The following MSTO1 variants were observed in gnomAD, a reference collection of about 807,000 sequenced individuals.
MSTO1 encodes the protein protein misato homolog 1.
In MSTO1, 24 loss-of-function variants were observed where a neutral mutation model predicts 55.7. That is an observed-to-expected ratio of 0.43 (90% CI 0.31 to 0.61). MSTO1 has a LOEUF of 0.61. Ranked by LOEUF, MSTO1 falls within the 20% of genes least tolerant of loss-of-function variation. MSTO1 has a pLI of 0.09. For synonymous variants in MSTO1, 162 were observed against 252.8 expected, an observed-to-expected ratio of 0.64 and a Z score of 3.41; for missense variants, 363 against 625.7, an observed-to-expected ratio of 0.58 and a Z score of 4.48.
the MSTO1 span, among the ~76,000 whole-genome samples, chr1:155,603,690 T>C: frequency 8.6e-5 from 13 of 152,026 alleles, no homozygotes; most frequent in South Asian, 2.5e-3. Context: ...AAACCACATC[T>C]CTACTAAAAA....
the MSTO1 span, among the ~76,000 whole-genome samples, chr1:155,603,744 G>T: frequency 6.6e-6 from 1 of 152,086 alleles, no homozygotes; most frequent in African/African-American, 2.4e-5. Context: ...TGTAATCCCA[G>T]CTACTAGGGA....
chr1:155,608,245 C>A (rs571407693), upstream of MSTO1, among the ~76,000 whole-genome samples: 6 of 152,296 alleles, frequency 3.9e-5, no homozygotes, highest in South Asian at 1.2e-3. Context: ...TTCACCGCAG[C>A]CTCTAATTCC....
the MSTO1 span, among the ~76,000 whole-genome samples, chr1:155,595,399 C>T: frequency 1.3e-5 from 2 of 151,904 alleles, no homozygotes; most frequent in South Asian, 4.2e-4. Flanking sequence ...AGGATTGTCT[C>T]GATCTCCTGA....
upstream of MSTO1, among the ~76,000 whole-genome samples, chr1:155,605,298 A>T (rs1672921530): frequency 6.6e-6 from 1 of 152,020 alleles, no homozygotes; most frequent in Admixed American, 6.6e-5. Flanking sequence ...AACAAAAACA[A>T]TATTGAAAAT....
At chr1:155,589,849 C>T in the MSTO1 span, among the ~76,000 whole-genome samples, 1 of 151,844 alleles carries the variant, frequency 6.6e-6, no homozygotes, top group Non-Finnish European at 1.5e-5. Flanking sequence ...GTCTCCCAGT[C>T]CACTGACTCA....
the MSTO1 span, among the ~76,000 whole-genome samples, chr1:155,571,126 A>G: frequency 1.3e-5 from 2 of 152,300 alleles, no homozygotes; most frequent in Admixed American, 1.3e-4. Context: ...CAGGAGCTGA[A>G]GACCAGCCTG....
intron 1 of MSTO1, 40 bp from the exon 2 acceptor site, chr1:155,610,385 G>A (rs1187974699): frequency 3.7e-6 from 3 of 814,164 alleles, no homozygotes; most frequent in Non-Finnish European, 5.7e-6. Flanking sequence ...CTACAGTCCC[G>A]ACGTTCAGCC....
chr1:155,609,210 A>G (rs1673216253), upstream of MSTO1, among the ~76,000 whole-genome samples: 1 of 128,922 alleles, frequency 7.8e-6, no homozygotes, highest in Non-Finnish European at 1.6e-5. Context: ...AAAAGCTATT[A>G]TCAGCAGTAT....
At chr1:155,587,472 G>C in the MSTO1 span, among the ~76,000 whole-genome samples, 2 of 150,758 alleles carry the variant, frequency 1.3e-5, no homozygotes, top group East Asian at 3.9e-4. Context: ...GGCCGGGCGT[G>C]GTGGCTCACG....
At chr1:155,564,219 C>A in the MSTO1 span, among the ~76,000 whole-genome samples, 59 of 152,238 alleles carry the variant, frequency 3.9e-4, 1 homozygote, top group Non-Finnish European at 7.8e-4. Context: ...CAAGGCCGGG[C>A]GCGGTGGCTA....
chr1:155,600,562 T>TTTTTTTTTTTC, the MSTO1 span, among the ~76,000 whole-genome samples: 1 of 152,128 alleles, frequency 6.6e-6, no homozygotes, highest in African/African-American at 2.4e-5. Context: ...CTTTCTTTTT[T>TTTTTTTTTTTC]TTTGAGATGG....
At chr1:155,602,509 C>A in the MSTO1 span, among the ~76,000 whole-genome samples, 2 of 152,044 alleles carry the variant, frequency 1.3e-5, no homozygotes, top group Non-Finnish European at 2.9e-5. Flanking sequence ...CAACAACAAA[C>A]AACAAATGAG....
rs141537147 is a variant in MSTO1, at chr1:155,610,262, C to G, written c.14C>G (p.Ala5Gly). The G allele has an allele frequency of 7.9e-6, 6 of 764,174 alleles. No individual in the cohort carries two copies. The highest frequency in any genetic ancestry group is 1.1e-5 in the Non-Finnish European group (5 of 470,744). 47.3% of individuals were successfully genotyped at this position (764,174 alleles called of 1,614,324 possible). ...GAGCAGCGCAGTATGGCGGGCGGGG[C>G]CCGGGAGGTGCTCACACTGCAGTTG... MAGG[A>G]REVLTLQLGH... Residue 5 changes from alanine (A) to glycine (G), a missense_variant, in exon 1 of 14, where the codon GCC becomes GGC. Transcript: ENST00000245564.
the MSTO1 span, chr1:155,590,786 G>C: frequency 6.2e-7 from 1 of 1,606,356 alleles, no homozygotes; most frequent in Non-Finnish European, 8.5e-7. Context: ...GAGGCCCCCA[G>C]CTCCCACTTT....
chr1:155,611,461 G>T, intron 4 of MSTO1, 88 bp from the exon 5 acceptor site: 2 of 1,613,178 alleles, frequency 1.2e-6, no homozygotes, highest in African/African-American at 2.7e-5. Context: ...GAGGCTATGC[G>T]GTGTGGCCAG....
At chr1:155,612,665 GC>G (rs1170475235) in intron 9 of MSTO1, 95 bp downstream of exon 9, 2 of 1,481,258 alleles carry the variant, frequency 1.4e-6, no homozygotes, top group Non-Finnish European at 1.8e-6. Flanking sequence ...TGTTCTTGAG[GC>G]CCGAGCTTGA....
chr1:155,581,020 G>C, the MSTO1 span, among the ~76,000 whole-genome samples: 4 of 151,884 alleles, frequency 2.6e-5, no homozygotes, highest in African/African-American at 9.7e-5. Context: ...AAGAATCTGT[G>C]GTTTCTTACA....
In MSTO1 at chr1:155,610,477, G is replaced by T; in HGVS notation, c.137G>T (p.Cys46Phe). Reference sequence around the variant, plus strand: ...TCCAAGGAGCCCCCGGGAGAGCTGTGCCCCGACGTCCTGTATCGTACGGGC... The same window carrying T: ...TCCAAGGAGCCCCCGGGAGAGCTGTTCCCCGACGTCCTGTATCGTACGGGC... ...TDSKEPPGEL[C>F]PDVLYRTGRT... Residue 46 changes from cysteine to phenylalanine, a missense_variant, in exon 2 of 14, where the codon TGC becomes TTC. Physicochemically the swap from Cys to Phe is radical, Grantham distance 205. Transcript: ENST00000245564. 1 of 804,182 alleles carries T rather than the reference G, an allele frequency of 1.2e-6. No individual in the cohort carries two copies. Among genetic ancestry groups the T allele is most frequent in the Non-Finnish European group, 2.0e-6 (1 of 506,826 alleles). The allele number at this position is 804,182 out of a possible 1,614,324, so 49.8% of individuals were successfully genotyped here. A position where few individuals can be genotyped will look rare whatever the true frequency, so the allele number is the denominator to read the frequency against.
chr1:155,577,310 G>C, the MSTO1 span, among the ~76,000 whole-genome samples: 1 of 151,516 alleles, frequency 6.6e-6, no homozygotes. Context: ...GGATGGTCTC[G>C]ATCTCCTGAC....
Sources: allele counts gnomAD v4.1 joint callset (sites outside exome capture counted in the v4.1 genomes callset), GRCh38; gene constraint gnomAD v4.1.1; transcripts MANE v1.5; gene names NCBI Gene and HGNC (gene_info 2026-07-23, HGNC 2026-07-21).